The following FAM118B variants were observed in gnomAD, a reference collection of about 807,000 sequenced individuals.
FAM118B encodes the protein SIR2 antiphage like 1.
A neutral mutation model predicts 38.5 loss-of-function variants in FAM118B; 24 were observed. That is an observed-to-expected ratio of 0.62 (90% CI 0.45 to 0.88). The LOEUF is 0.88. Ranked by LOEUF, FAM118B falls within the 40% of genes least tolerant of loss-of-function variation. The pLI is 0.00. For synonymous variants in FAM118B, 138 were observed against 156.3 expected (o/e 0.88, Z 0.87); for missense variants, 334 against 420.0 (o/e 0.80, Z 1.79).
At chr11:126,254,113 T>C (rs1379245319) in intron 5 of FAM118B, among the ~76,000 whole-genome samples, 192 bp from the exon 6 acceptor site, 1 of 152,238 alleles carries the variant, frequency 6.6e-6, no homozygotes, top group Non-Finnish European at 1.5e-5. Context: ...CCAAATTTGT[T>C]GCCATCATTC....
chr11:126,225,714 A>G (rs184744916), intron 1 of FAM118B, among the ~76,000 whole-genome samples: 1 of 152,220 alleles, frequency 6.6e-6, no homozygotes, highest in Admixed American at 6.5e-5. Context: ...TAAGATTACT[A>G]AAGACCTGTA....
chr11:126,247,818 A>G (rs1950436913), intron 4 of FAM118B, among the ~76,000 whole-genome samples: 1 of 149,992 alleles, frequency 6.7e-6, no homozygotes, highest in Admixed American at 6.7e-5. Context: ...AGACCACGCC[A>G]CTGCACTCCA....
intron 7 of FAM118B, chr11:126,260,998 C>T (rs888300072): frequency 2.5e-5 from 4 of 159,898 alleles, no homozygotes; most frequent in Admixed American, 1.8e-4. Flanking sequence ...CTAGTGCTAC[C>T]GTATTTTATT....
chr11:126,233,132 CTT>C (rs1950228675), intron 2 of FAM118B, among the ~76,000 whole-genome samples: 1 of 152,096 alleles, frequency 6.6e-6, no homozygotes, highest in Non-Finnish European at 1.5e-5. Context: ...TAGAAACAAA[CTT>C]TTTTAATTTA....
upstream of FAM118B, chr11:126,211,778 G>C: frequency 2.2e-6 from 2 of 905,570 alleles, no homozygotes; most frequent in Admixed American, 2.7e-5. Flanking sequence ...CGCTCAGTGC[G>C]GCTGCGCCGG....
At chr11:126,223,370 C>T (rs753153700) in intron 1 of FAM118B, among the ~76,000 whole-genome samples, 4 of 151,856 alleles carry the variant, frequency 2.6e-5, no homozygotes, top group Admixed American at 6.6e-5. Context: ...GGAGCTGAGG[C>T]GGGCAGATCA....
chr11:126,247,656 A>G (rs1460741889), intron 4 of FAM118B, among the ~76,000 whole-genome samples: 1 of 151,956 alleles, frequency 6.6e-6, no homozygotes, highest in Non-Finnish European at 1.5e-5. Flanking sequence ...TCAGAAGTTC[A>G]AGACCAGCCT....
intron 1 of FAM118B, among the ~76,000 whole-genome samples, chr11:126,213,649 A>G (rs1432108974): frequency 6.6e-6 from 1 of 152,202 alleles, no homozygotes; most frequent in Non-Finnish European, 1.5e-5. Flanking sequence ...CAGGACTTTT[A>G]TGGTTTTGTG....
At chr11:126,237,897 A>G (rs1950302415) in intron 3 of FAM118B, among the ~76,000 whole-genome samples, 2 of 148,584 alleles carry the variant, frequency 1.3e-5, no homozygotes, top group African/African-American at 4.9e-5. Flanking sequence ...ATATGTGAGG[A>G]TATCATTGTT....
In FAM118B at chr11:126,244,256, G is replaced by A. The variant is rs1950394466; in HGVS notation, c.339+3212G>A. Among the ~76,000 whole-genome samples, 1 of 152,092 alleles carries A rather than the reference G, an allele frequency of 6.6e-6. No individual in the cohort carries two copies. The highest frequency in any genetic ancestry group is 1.5e-5 in the Non-Finnish European group (1 of 68,008). ...TGTTCTAGACCGGGCAGTTAAGCAA[G>A]AAAACTAAAGGAATCCATATTGGAA... On this transcript the variant is annotated intron_variant, in intron 4 of 8. Coordinates refer to ENST00000533050, the MANE Select transcript of FAM118B (RefSeq NM_024556.4). The surrounding 1 kb of genome is among the most constrained non-coding windows in gnomAD (Gnocchi z 4.5).
intron 2 of FAM118B, among the ~76,000 whole-genome samples, chr11:126,230,334 C>G (rs1168826668): frequency 6.6e-6 from 1 of 152,186 alleles, no homozygotes. Context: ...TTCCCTTCCT[C>G]CCAAATCCGA....
At chr11:126,254,244 G>T in intron 5 of FAM118B, 61 bp from the exon 6 acceptor site, 2 of 1,572,146 alleles carry the variant, frequency 1.3e-6, no homozygotes, top group Non-Finnish European at 1.7e-6. Context: ...CTTGCCCATT[G>T]TGACCTTTAA....
chr11:126,261,471 C>T lies in FAM118B; in HGVS notation c.1029C>T (p.His343=), dbSNP rs1180766168. The part of the protein sequence containing the change: ...EGQLNGSSAA[H]SEIRGCST Reference sequence around the variant, plus strand: ...AGCTAAATGGCTCATCTGCAGCACACAGTGAAATAAGAGGTATACTGTTTC... The same window carrying T: ...AGCTAAATGGCTCATCTGCAGCACATAGTGAAATAAGAGGTATACTGTTTC... Residue 343 remains histidine, a synonymous_variant, in exon 8 of 9, where the codon CAC becomes CAT. Coordinates refer to ENST00000533050, the MANE Select transcript of FAM118B (RefSeq NM_024556.4). The T allele has an allele frequency of 3.1e-6, 5 of 1,613,470 alleles. No homozygotes were observed. The highest frequency in any genetic ancestry group is 1.7e-5 in the Admixed American group (1 of 60,022).
intron 1 of FAM118B, among the ~76,000 whole-genome samples, chr11:126,215,642 A>G (rs1176066582): frequency 6.8e-6 from 1 of 146,150 alleles, no homozygotes; most frequent in Non-Finnish European, 1.5e-5. Flanking sequence ...GCTTGCAGTG[A>G]GCCAAGATCG....
Position 126,244,776 on chromosome 11 carries a change from C to T in FAM118B, c.339+3732C>T, listed in dbSNP as rs1358689612. 1.3e-5 allele frequency among the ~76,000 whole-genome samples: 2 copies of T among 152,130 alleles called. No homozygotes were observed. The highest frequency in any genetic ancestry group is 2.9e-5 in the Non-Finnish European group (2 of 68,030). ...CAGGATCCCTCCACTGCACTCCAGC[C>T]TGGGCAACAAGAGCGAAACTCCATC... On this transcript the variant is annotated intron_variant, in intron 4 of 8. Coordinates refer to ENST00000533050, the MANE Select transcript of FAM118B (RefSeq NM_024556.4). The surrounding 1 kb of genome is among the most constrained non-coding windows in gnomAD (Gnocchi z 4.5).
chr11:126,244,019 ACT>A lies in FAM118B; in HGVS notation c.339+2978_339+2979del, dbSNP rs1950391480. Among the ~76,000 whole-genome samples the A allele has an allele frequency of 1.3e-5, 2 of 152,126 alleles. No homozygotes were observed. Among genetic ancestry groups the A allele is most frequent in the African/African-American group, 4.8e-5 (2 of 41,416 alleles). On this transcript the variant is annotated intron_variant, in intron 4 of 8. Transcript: ENST00000533050. This position sits in a 1 kb window ranked among gnomAD's most constrained non-coding sequence, Gnocchi z 4.5. ...AAAAAACATGTTAGCAAAATGCAAC[ACT>A]CTTTCATGATTTTTTTTAAAAAAGC...
At position 126,223,056 on chromosome 11, in the gene FAM118B, T is replaced by G. The variant is rs150691157; in HGVS notation, c.-76-6169T>G. 1.2e-4 allele frequency among the ~76,000 whole-genome samples: 14 copies of G among 117,428 alleles called. No individual in the cohort carries two copies. The East Asian group carries it at 3.9e-3, about 33-fold the overall frequency. 77.0% of individuals were successfully genotyped at this position (117,428 alleles called of 152,430 possible). On this transcript the variant is annotated intron_variant, in intron 1 of 8. Coordinates refer to ENST00000533050, the MANE Select transcript of FAM118B (RefSeq NM_024556.4). Reference sequence around the variant, plus strand: ...GGTGTGGGGAGGCCCTTGCAGAATATCACTCTGAGGAAAGGCTGCAGCTGG... The same window carrying G: ...GGTGTGGGGAGGCCCTTGCAGAATAGCACTCTGAGGAAAGGCTGCAGCTGG...
intron 1 of FAM118B, 66 bp from the exon 2 acceptor site, chr11:126,229,159 G>C (rs959273380): frequency 5.3e-5 from 8 of 152,050 alleles, no homozygotes; most frequent in Non-Finnish European, 8.8e-5. Context: ...CATACTACTT[G>C]ATCTATGGGA....
chr11:126,261,132 G>C, intron 7 of FAM118B: 1 of 339,880 alleles, frequency 2.9e-6, no homozygotes, highest in South Asian at 4.5e-5. Context: ...TTTAGGGACA[G>C]CAGACACATG....
Sources: allele counts gnomAD v4.1 joint callset (sites outside exome capture counted in the v4.1 genomes callset), GRCh38; gene constraint gnomAD v4.1.1; non-coding constraint Gnocchi (gnomAD v3.1); transcripts MANE v1.5; gene names NCBI Gene and HGNC (gene_info 2026-07-23, HGNC 2026-07-21).